MCOLN2: variants seen among roughly 807,000 people sequenced by gnomAD.
MCOLN2 encodes the protein mucolipin TRP cation channel 2, also known as mucolipin-2.
MCOLN2 carries 57 observed loss-of-function variants against 67.5 expected under a neutral mutation model. That is an observed-to-expected ratio of 0.84 (90% CI 0.68 to 1.05). MCOLN2 has a LOEUF of 1.05. Ranked by LOEUF, MCOLN2 falls within the 50% of genes least tolerant of loss-of-function variation. The probability of loss-of-function intolerance (pLI) is 0.00; values close to 1 mark genes in which losing one functional copy is unlikely to be tolerated. For synonymous variants in MCOLN2, 246 were observed against 233.3 expected (o/e 1.05, Z -0.50); for missense variants, 620 against 678.8 (o/e 0.91, Z 0.96).
At position 84,987,439 on chromosome 1, in the gene MCOLN2, G is replaced by GATATATACATATATACATATATGTAT. The variant is rs1553158859; in HGVS notation, c.77+9331_77+9356dup. Among the ~76,000 whole-genome samples the GATATATACATATATACATATATGTAT allele has an allele frequency of 5.1e-5, 5 of 97,644 alleles. No homozygotes were observed. The East Asian group carries it at 1.2e-3, about 23-fold the overall frequency. 64.1% of individuals were successfully genotyped at this position (97,644 alleles called of 152,430 possible). On this transcript the variant is annotated intron_variant, in intron 1 of 13. Coordinates refer to ENST00000370608, the MANE Select transcript of MCOLN2 (RefSeq NM_153259.4). ...ATGTATATACCTATATACGTATATA[G>GATATATACATATATACATATATGTAT]ATATATACATATATACATATATGTA...
chr1:84,952,913 T>A (rs1299992482), intron 4 of MCOLN2, among the ~76,000 whole-genome samples: 1 of 152,146 alleles, frequency 6.6e-6, no homozygotes, highest in Non-Finnish European at 1.5e-5. Context: ...TGTATCAAGA[T>A]CATAAAAGTT....
chr1:84,996,982 T>C lies in MCOLN2; in HGVS notation c.-110A>G. ...AACGCGTCCGCCGAAGTTGGAGCCCTGCAAAGCGGGGTTCCCTTCTCTTAC... is the reference window on the plus strand; with the variant it reads ...AACGCGTCCGCCGAAGTTGGAGCCCCGCAAAGCGGGGTTCCCTTCTCTTAC... On this transcript the variant is annotated 5_prime_UTR_variant, in exon 1 of 14. Coordinates refer to ENST00000370608, the MANE Select transcript of MCOLN2 (RefSeq NM_153259.4). 1 of 973,014 alleles carries C rather than the reference T, an allele frequency of 1.0e-6. No individual in the cohort carries two copies. Among genetic ancestry groups the C allele is most frequent in the Non-Finnish European group, 1.6e-6 (1 of 626,076 alleles). The allele number at this position is 973,014 out of a possible 1,614,324, so 60.3% of individuals were successfully genotyped here. A position where few individuals can be genotyped will look rare whatever the true frequency, so the allele number is the denominator to read the frequency against.
chr1:84,987,481 CATAT>C, intron 1 of MCOLN2, among the ~76,000 whole-genome samples: 1 of 16,388 alleles, frequency 6.1e-5, no homozygotes, highest in South Asian at 7.2e-3. Flanking sequence ...GATATATATA[CATAT>C]ATACATATGT....
intron 2 of MCOLN2, among the ~76,000 whole-genome samples, chr1:84,961,128 T>C (rs775606466): frequency 1.3e-5 from 2 of 152,170 alleles, no homozygotes; most frequent in African/African-American, 2.4e-5. Flanking sequence ...ACATATGCAA[T>C]CTGAAGTCAA....
intron 1 of MCOLN2, among the ~76,000 whole-genome samples, chr1:84,974,708 G>C (rs542387497): frequency 2.0e-4 from 31 of 152,130 alleles, no homozygotes; most frequent in African/African-American, 6.5e-4. Context: ...TCGGCTATTG[G>C]GGGGTGGAGC....
intron 1 of MCOLN2, among the ~76,000 whole-genome samples, chr1:84,972,302 T>C (rs374292868): frequency 9.2e-5 from 14 of 152,006 alleles, no homozygotes; most frequent in Admixed American, 9.2e-4. Flanking sequence ...ATGAAATAAA[T>C]AAGAGCAATC....
intron 8 of MCOLN2, 77 bp downstream of exon 8, chr1:84,940,802 A>G (rs1570960260): frequency 4.5e-6 from 4 of 880,214 alleles, no homozygotes; most frequent in Middle Eastern, 2.2e-4. Flanking sequence ...CAGGTGCACA[A>G]TATCGGTGGT....
At chr1:84,970,834 CAG>C (rs761179238) in intron 1 of MCOLN2, among the ~76,000 whole-genome samples, 4 of 152,164 alleles carry the variant, frequency 2.6e-5, no homozygotes, top group Non-Finnish European at 4.4e-5. Context: ...GCCCTGGAAA[CAG>C]AGAGTGCTTG....
Position 84,925,899 on chromosome 1 carries a change from T to TTG in MCOLN2, c.*785_*786insCA, listed in dbSNP as rs35518667. 0.017 allele frequency: 2,514 copies of TTG among 152,350 alleles called. 29 individuals are homozygous for TTG. The highest frequency in any genetic ancestry group is 0.053 in the East Asian group (277 of 5,180). The allele number at this position is 152,350 out of a possible 1,614,324, so 9.4% of individuals were successfully genotyped here. A position where few individuals can be genotyped will look rare whatever the true frequency, so the allele number is the denominator to read the frequency against. On this transcript the variant is annotated 3_prime_UTR_variant, in exon 14 of 14. Coordinates refer to ENST00000370608, the MANE Select transcript of MCOLN2 (RefSeq NM_153259.4). ...TTTGTTGATTTAAGGGTGATTTTTT[T>TTG]TTTTTTTTGAGACAGGATCTCACTC...
chr1:84,933,759 T>G (rs1393787315), intron 11 of MCOLN2, among the ~76,000 whole-genome samples: 1 of 152,258 alleles, frequency 6.6e-6, no homozygotes, highest in African/African-American at 2.4e-5. Flanking sequence ...ATAGCTAGTT[T>G]GTCAGTACAT....
intron 7 of MCOLN2, among the ~76,000 whole-genome samples, chr1:84,945,340 C>G (rs1648034856): frequency 6.6e-6 from 1 of 151,630 alleles, no homozygotes; most frequent in East Asian, 1.9e-4. Flanking sequence ...GCAACCTATA[C>G]TTGGACTTAG....
intron 1 of MCOLN2, among the ~76,000 whole-genome samples, chr1:84,995,799 ATTT>A (rs142983024): frequency 9.1e-4 from 133 of 146,272 alleles, no homozygotes; most frequent in East Asian, 5.6e-3. Context: ...CTATTACTCT[ATTT>A]TTTTAAAAAA....
At chr1:84,986,507 C>T (rs909308505) in intron 1 of MCOLN2, among the ~76,000 whole-genome samples, 7 of 146,478 alleles carry the variant, frequency 4.8e-5, no homozygotes, top group African/African-American at 7.6e-5. Flanking sequence ...AGTGCCATTG[C>T]GCTCCAGCCT....
In MCOLN2 at chr1:84,962,065, T is replaced by A. The variant is rs191040395; in HGVS notation, c.238-3363A>T. Among the ~76,000 whole-genome samples the A allele has an allele frequency of 3.3e-5, 5 of 151,942 alleles. No individual in the cohort carries two copies. In the East Asian group the frequency reaches 9.7e-4, roughly 29 times the overall value. Reference sequence around the variant, plus strand: ...ACAGAAAAAGAGAGGGAGGGAAAAGTGAGATATTATGCAAGGAAAGGTGAT... The same window carrying A: ...ACAGAAAAAGAGAGGGAGGGAAAAGAGAGATATTATGCAAGGAAAGGTGAT... On this transcript the variant is annotated intron_variant, in intron 2 of 13. Coordinates refer to ENST00000370608, the MANE Select transcript of MCOLN2 (RefSeq NM_153259.4).
chr1:84,961,378 T>C (rs1179417515), intron 2 of MCOLN2, among the ~76,000 whole-genome samples: 1 of 151,920 alleles, frequency 6.6e-6, no homozygotes, highest in Admixed American at 6.6e-5. Context: ...ACCATGAAAG[T>C]GGTATATAGT....
intron 1 of MCOLN2, among the ~76,000 whole-genome samples, chr1:84,975,885 A>G (rs958983878): frequency 2.6e-5 from 4 of 152,176 alleles, no homozygotes; most frequent in African/African-American, 9.7e-5. Flanking sequence ...TGCAATTGGC[A>G]TAAGGAAGAA....
chr1:84,946,924 G>A (rs561716837), intron 7 of MCOLN2, 109 bp downstream of exon 7: 57 of 602,732 alleles, frequency 9.5e-5, no homozygotes, highest in Admixed American at 5.3e-4. Context: ...TGCTCGAGGC[G>A]GTTTTCTTCC....
At chr1:84,987,291 G>A (rs1298752625) in intron 1 of MCOLN2, among the ~76,000 whole-genome samples, 1 of 142,168 alleles carries the variant, frequency 7.0e-6, no homozygotes, top group Non-Finnish European at 1.5e-5. Context: ...ATATACATAT[G>A]CCATGTAGAT....
intron 1 of MCOLN2, among the ~76,000 whole-genome samples, chr1:84,991,010 C>A (rs955079024): frequency 1.3e-5 from 2 of 151,906 alleles, no homozygotes; most frequent in Non-Finnish European, 2.9e-5. Flanking sequence ...GCCAAAAAAG[C>A]CTCCATATTT....
Sources: gnomAD v4.1 joint callset for allele counts (sites outside exome capture counted in the v4.1 genomes callset) on GRCh38, gnomAD v4.1.1 for gene constraint, MANE v1.5 for transcripts, NCBI Gene and HGNC (gene_info 2026-07-23, HGNC 2026-07-21) for gene names.